The following FOXP1 variants were observed in gnomAD, a reference collection of about 807,000 sequenced individuals.
The protein encoded by FOXP1 is forkhead box protein P1.
Under a neutral mutation model 98.2 loss-of-function variants are expected in FOXP1, and 15 were observed. The ratio of observed to expected loss-of-function variants is 0.15; its 90% CI spans 0.10 to 0.24. The LOEUF is 0.24. FOXP1 is among the 10% of genes least tolerant of loss of function. FOXP1 has a pLI of 1.00. For synonymous variants in FOXP1, 371 were observed against 314.5 expected, an observed-to-expected ratio of 1.18 and a Z score of -1.90; for missense variants, 633 against 848.5, an observed-to-expected ratio of 0.75 and a Z score of 3.15.
At chr3:71,372,739 C>T (rs1199667243) in intron 3 of FOXP1, among the ~76,000 whole-genome samples, 1 of 152,120 alleles carries the variant, frequency 6.6e-6, no homozygotes, top group African/African-American at 2.4e-5. Context: ...AAAAAGAAAA[C>T]CTCACTCGAA....
intron 3 of FOXP1, among the ~76,000 whole-genome samples, chr3:71,410,840 C>T (rs1413710142): frequency 6.6e-6 from 1 of 152,154 alleles, no homozygotes. Context: ...TTTCCCAGAA[C>T]AAACATTGTT....
intron 18 of FOXP1, 107 bp downstream of exon 18, chr3:70,972,448 G>C: frequency 2.0e-6 from 3 of 1,505,790 alleles, no homozygotes; most frequent in Non-Finnish European, 2.8e-6. Flanking sequence ...CTGAGACAAC[G>C]TGAAACCAGT....
intron 13 of FOXP1, among the ~76,000 whole-genome samples, chr3:70,994,019 AG>A (rs1352475677): frequency 6.6e-6 from 1 of 151,338 alleles, no homozygotes; most frequent in Non-Finnish European, 1.5e-5. Flanking sequence ...AAAAAGAAAA[AG>A]AAAAAGAAAA....
intron 4 of FOXP1, among the ~76,000 whole-genome samples, chr3:71,344,562 T>C (rs1209218495): frequency 6.6e-6 from 1 of 152,194 alleles, no homozygotes; most frequent in Non-Finnish European, 1.5e-5. Context: ...TGAAGCTGGG[T>C]ACTGTGGCTC....
intron 2 of FOXP1, among the ~76,000 whole-genome samples, chr3:71,522,001 C>T (rs1359174919): frequency 1.3e-5 from 2 of 151,480 alleles, no homozygotes; most frequent in South Asian, 2.1e-4. Flanking sequence ...TTGAAAGCAA[C>T]AGAACATCTG....
chr3:71,368,906 G>A (rs1227618329), intron 3 of FOXP1, among the ~76,000 whole-genome samples: 1 of 152,196 alleles, frequency 6.6e-6, no homozygotes, highest in Admixed American at 6.5e-5. Context: ...ACCTTATTAT[G>A]TAAAGCTACC....
intron 3 of FOXP1, among the ~76,000 whole-genome samples, chr3:71,468,128 T>A (rs1167449455): frequency 2.0e-5 from 3 of 152,138 alleles, no homozygotes. Flanking sequence ...AATGTTTTTT[T>A]TTTTCTTTCA....
At chr3:71,389,259 G>GGGGGGGGGGGGGT (rs2080855808) in intron 3 of FOXP1, among the ~76,000 whole-genome samples, 1 of 99,756 alleles carries the variant, frequency 1.0e-5, no homozygotes, top group African/African-American at 3.8e-5. Flanking sequence ...GGGGCCGGGG[G>GGGGGGGGGGGGGT]GGGCGGGTTA....
chr3:71,024,857 C>T (rs2045911299), intron 11 of FOXP1, among the ~76,000 whole-genome samples: 2 of 152,172 alleles, frequency 1.3e-5, no homozygotes. Flanking sequence ...TATGTCCAGA[C>T]TTAGTTTTTG....
At chr3:71,216,742 C>T (rs1483789753) in intron 5 of FOXP1, among the ~76,000 whole-genome samples, 4 of 152,010 alleles carry the variant, frequency 2.6e-5, no homozygotes, top group African/African-American at 7.2e-5. Context: ...GAAAAGGATA[C>T]ACCAGGAATT....
intron 14 of FOXP1, 28 bp downstream of exon 14, chr3:70,987,966 T>C (rs960067587): frequency 1.2e-6 from 2 of 1,607,086 alleles, no homozygotes; most frequent in Non-Finnish European, 1.7e-6. Context: ...GTTTTGTTTT[T>C]TTCCCCTTGG....
In FOXP1 at chr3:71,250,514, T is replaced by C. The variant is rs535840266; in HGVS notation, c.-12+49306A>G. Among the ~76,000 whole-genome samples, 44 of 152,372 alleles carry C rather than the reference T, an allele frequency of 2.9e-4. No homozygotes were observed. The South Asian group carries it at 8.9e-3, about 31-fold the overall frequency. ...TGCAGTTTTAGAGGGGGTCATAGAA[T>C]TTCCATATTCATGACAATCGGATCT... is the stretch of plus-strand genomic sequence containing the variant. On this transcript the variant is annotated intron_variant, in intron 5 of 20. Coordinates refer to ENST00000649528, the MANE Select transcript of FOXP1 (RefSeq NM_001349338.3).
At chr3:71,057,798 C>T (rs1182475089) in intron 7 of FOXP1, among the ~76,000 whole-genome samples, 2 of 152,130 alleles carry the variant, frequency 1.3e-5, no homozygotes, top group Admixed American at 6.5e-5. Flanking sequence ...CCCAGGTGCA[C>T]CCAAACCTGC....
chr3:71,440,732 G>C (rs889249251), intron 3 of FOXP1, among the ~76,000 whole-genome samples: 12 of 151,902 alleles, frequency 7.9e-5, no homozygotes, highest in Admixed American at 3.9e-4. Flanking sequence ...AGGCATGCTG[G>C]CATGTGCCTG....
intron 3 of FOXP1, among the ~76,000 whole-genome samples, chr3:71,362,091 C>T (rs1349537568): frequency 6.6e-6 from 1 of 152,186 alleles, no homozygotes; most frequent in African/African-American, 2.4e-5. Flanking sequence ...CCCTGGATCA[C>T]AATATGGCCA....
intron 11 of FOXP1, among the ~76,000 whole-genome samples, chr3:71,023,637 C>T (rs1190117013): frequency 6.6e-6 from 1 of 152,136 alleles, no homozygotes; most frequent in South Asian, 2.1e-4. Context: ...CTGCCTGTGA[C>T]TCTGTTATCA....
At chr3:71,250,967 A>C in intron 5 of FOXP1, among the ~76,000 whole-genome samples, 1 of 152,274 alleles carries the variant, frequency 6.6e-6, no homozygotes, top group South Asian at 2.1e-4. Context: ...TGTTTTTGGT[A>C]ATGACTTTTT....
intron 7 of FOXP1, among the ~76,000 whole-genome samples, chr3:71,091,422 G>A (rs997584599): frequency 1.3e-5 from 2 of 151,948 alleles, no homozygotes; most frequent in East Asian, 1.9e-4. Flanking sequence ...CCCGGGAGGC[G>A]GAGGTTGTAG....
At chr3:71,206,933 A>G (rs1246697076) in intron 5 of FOXP1, among the ~76,000 whole-genome samples, 2 of 152,232 alleles carry the variant, frequency 1.3e-5, no homozygotes, top group African/African-American at 2.4e-5. Context: ...AAACAAGTAC[A>G]AAGCAGAATG....
Sources: gnomAD v4.1 joint callset for allele counts (sites outside exome capture counted in the v4.1 genomes callset) on GRCh38, gnomAD v4.1.1 for gene constraint, MANE v1.5 for transcripts, NCBI Gene and HGNC (gene_info 2026-07-23, HGNC 2026-07-21) for gene names.